The following CCDC50 variants were observed in gnomAD, a reference collection of about 807,000 sequenced individuals.
The protein encoded by CCDC50 is coiled-coil domain-containing protein 50.
A neutral mutation model predicts 70.2 loss-of-function variants in CCDC50; 54 were observed. The observed-to-expected ratio is 0.77, with a 90% CI of 0.62 to 0.96. The LOEUF (loss-of-function observed/expected upper bound fraction) is 0.96. CCDC50 is among the 50% of genes least tolerant of loss of function. The pLI is 0.00. For synonymous variants in CCDC50, 216 were observed against 198.8 expected, an observed-to-expected ratio of 1.09 and a Z score of -0.73; for missense variants, 558 against 578.7, an observed-to-expected ratio of 0.96 and a Z score of 0.37.
At chr3:191,390,069 C>T (rs965632604) in intron 11 of CCDC50, among the ~76,000 whole-genome samples, 6 of 151,810 alleles carry the variant, frequency 4.0e-5, no homozygotes, top group Non-Finnish European at 8.8e-5. Context: ...TACCATGTCA[C>T]CCCAGGCTGG....
chr3:191,338,505 A>C (rs535387682), intron 1 of CCDC50, among the ~76,000 whole-genome samples: 49 of 152,192 alleles, frequency 3.2e-4, no homozygotes, highest in African/African-American at 1.1e-3. Flanking sequence ...CAATGTCTGC[A>C]TTTATAGATC....
At chr3:191,373,087 G>A (rs547706272) in intron 5 of CCDC50, among the ~76,000 whole-genome samples, 40 of 152,126 alleles carry the variant, frequency 2.6e-4, no homozygotes, top group Non-Finnish European at 1.5e-4. Flanking sequence ...AAATATGTGT[G>A]TGTGTGTGTA....
At chr3:191,339,023 G>C (rs1045879520) in intron 1 of CCDC50, among the ~76,000 whole-genome samples, 1 of 152,120 alleles carries the variant, frequency 6.6e-6, no homozygotes, top group Non-Finnish European at 1.5e-5. Flanking sequence ...TTAGATAAAG[G>C]GGGGAAGGCT....
chr3:191,396,824 A>G lies in CCDC50; in HGVS notation c.*5064A>G, dbSNP rs1441405891. ...CTGTTTGATGCCACAGGCTAACACAATCGTGTAATCATGTTGAGTTGTAGA... is the reference window on the plus strand; with the variant it reads ...CTGTTTGATGCCACAGGCTAACACAGTCGTGTAATCATGTTGAGTTGTAGA... On this transcript the variant is annotated 3_prime_UTR_variant, in exon 12 of 12. Transcript: ENST00000392455. 1 of 152,218 alleles carries G rather than the reference A, an allele frequency of 6.6e-6. No individual in the cohort carries two copies. Among genetic ancestry groups the G allele is most frequent in the Non-Finnish European group, 1.5e-5 (1 of 68,038 alleles). The allele number at this position is 152,218 out of a possible 1,614,324, so 9.4% of individuals were successfully genotyped here.
intron 1 of CCDC50, 70 bp downstream of exon 1, chr3:191,329,793 G>T (rs1290050266): frequency 3.3e-6 from 5 of 1,532,382 alleles, no homozygotes; most frequent in Admixed American, 1.9e-5. Context: ...CAGGTCAGGG[G>T]CGTTGCCATT....
chr3:191,348,358 G>A (rs1711995566), intron 1 of CCDC50, among the ~76,000 whole-genome samples: 1 of 142,110 alleles, frequency 7.0e-6, no homozygotes, highest in Non-Finnish European at 1.6e-5. Context: ...CAAAAACAGA[G>A]ACCAAAACCA....
intron 6 of CCDC50, among the ~76,000 whole-genome samples, chr3:191,377,569 T>C (rs1041653992): frequency 1.1e-4 from 17 of 152,176 alleles, no homozygotes; most frequent in African/African-American, 3.9e-4. Context: ...CCATAAAATA[T>C]CTGCACTGTT....
chr3:191,348,826 T>TA lies in CCDC50; in HGVS notation c.50-8261dup, dbSNP rs1163405679. 2.8e-5 allele frequency among the ~76,000 whole-genome samples: 4 copies of TA among 142,706 alleles called. 1 individual carries two copies. Among genetic ancestry groups the TA allele is most frequent in the Non-Finnish European group, 4.7e-5 (3 of 63,262 alleles). The allele number at this position is 142,706 out of a possible 152,430, so 93.6% of individuals were successfully genotyped here. On this transcript the variant is annotated intron_variant, in intron 1 of 11. Transcript: ENST00000392455. The stretch of plus-strand genomic sequence containing the variant: ...GTTAATTTCAATGGCATGAAAATTT[T>TA]AGAACACTAAAAAATGGAGAAGGAT...
At chr3:191,374,248 G>C (rs2108662056) in intron 5 of CCDC50, among the ~76,000 whole-genome samples, 1 of 152,180 alleles carries the variant, frequency 6.6e-6, no homozygotes, top group South Asian at 2.1e-4. Flanking sequence ...ATTAAATTTG[G>C]GGACATATAC....
intron 1 of CCDC50, 63 bp from the exon 2 acceptor site, chr3:191,357,025 T>C: frequency 2.9e-6 from 3 of 1,050,252 alleles, no homozygotes; most frequent in African/African-American, 1.6e-5. Flanking sequence ...AAAAATCCTT[T>C]CCTTTGTATG....
chr3:191,382,767 A>G lies in CCDC50; in HGVS notation c.1264A>G (p.Asn422Asp). 6.2e-7 allele frequency: 1 copy of G among 1,612,864 alleles called. No individual in the cohort carries two copies. The highest frequency in any genetic ancestry group is 8.5e-7 in the Non-Finnish European group (1 of 1,179,010). Residue 422 changes from asparagine (N) to aspartate (D), a missense_variant, in exon 10 of 12, where the codon AAT (asparagine) becomes GAT (aspartate). Asn to Asp is a conservative substitution (Grantham distance 23). Transcript: ENST00000392455. ...EWKPKTAKAA[N>D]SKSKESDEPH... ...ATAGCCAAAAACAGCTAAAGCAGCA[A>G]ATTCCAAGTCAAAAGAGAGTGATGA...
At chr3:191,389,244 C>A (rs1713600544) in intron 10 of CCDC50, among the ~76,000 whole-genome samples, 1 of 152,044 alleles carries the variant, frequency 6.6e-6, no homozygotes, top group Non-Finnish European at 1.5e-5. Flanking sequence ...GTTTATTTAG[C>A]CCAGTTCCTA....
chr3:191,371,565 G>A (rs1446746903), intron 5 of CCDC50, among the ~76,000 whole-genome samples: 1 of 152,114 alleles, frequency 6.6e-6, no homozygotes, highest in African/African-American at 2.4e-5. Context: ...GTAAATATGT[G>A]TTTCTCTGAT....
chr3:191,363,818 A>G (rs1479373734), intron 4 of CCDC50, among the ~76,000 whole-genome samples: 1 of 152,230 alleles, frequency 6.6e-6, no homozygotes, highest in East Asian at 1.9e-4. Context: ...CATGCCTCAG[A>G]TGAGAAGATG....
At chr3:191,346,453 G>A (rs940517143) in intron 1 of CCDC50, among the ~76,000 whole-genome samples, 1 of 152,132 alleles carries the variant, frequency 6.6e-6, no homozygotes, top group Non-Finnish European at 1.5e-5. Flanking sequence ...TTCAAATATA[G>A]TCAGGGTATC....
intron 4 of CCDC50, among the ~76,000 whole-genome samples, chr3:191,363,805 A>C (rs554606387): frequency 6.6e-6 from 1 of 152,336 alleles, no homozygotes; most frequent in East Asian, 1.9e-4. Flanking sequence ...TGACTTTTCA[A>C]CTCATGCCTC....
chr3:191,362,120 T>A (rs1227041597), intron 4 of CCDC50, among the ~76,000 whole-genome samples: 2 of 152,164 alleles, frequency 1.3e-5, no homozygotes, highest in African/African-American at 4.8e-5. Flanking sequence ...GTGTTATTAT[T>A]TTCAGCCCTT....
At chr3:191,331,575 A>G (rs568771913) in intron 1 of CCDC50, among the ~76,000 whole-genome samples, 15 of 152,308 alleles carry the variant, frequency 9.8e-5, no homozygotes, top group African/African-American at 3.6e-4. Flanking sequence ...AGTTACAATT[A>G]AATATTAATT....
chr3:191,364,702 T>C (rs1225629895), intron 4 of CCDC50, among the ~76,000 whole-genome samples: 1 of 152,162 alleles, frequency 6.6e-6, no homozygotes, highest in Non-Finnish European at 1.5e-5. Flanking sequence ...AATTTTATTA[T>C]GTTTGTTAAC....
Sources: allele counts gnomAD v4.1 joint callset (sites outside exome capture counted in the v4.1 genomes callset), GRCh38; gene constraint gnomAD v4.1.1; transcripts MANE v1.5; gene names NCBI Gene and HGNC (gene_info 2026-07-23, HGNC 2026-07-21).